Variants in NFKBIA observed in about 807,000 individuals in gnomAD.
The protein encoded by NFKBIA is NFKB inhibitor alpha, also known as NF-kappa-B inhibitor alpha.
A neutral mutation model predicts 36.3 loss-of-function variants in NFKBIA; 10 were observed. That is an observed-to-expected ratio of 0.28 (90% confidence interval 0.17 to 0.47). The LOEUF is 0.47. NFKBIA is among the 20% of genes least tolerant of loss of function. The probability of loss-of-function intolerance (pLI) is 0.99; values close to 1 mark genes in which losing one functional copy is unlikely to be tolerated. For synonymous variants in NFKBIA, 205 were observed against 164.4 expected (o/e 1.25, Z -1.89); for missense variants, 355 against 399.3 (o/e 0.89, Z 0.94).
At position 35,403,274 on chromosome 14, in the gene NFKBIA, G is replaced by A. The variant is rs1292178296; in HGVS notation, c.423C>T (p.Asp141=). ...LGAGCDPELR[D]FRGNTPLHLA... ...GGTGTAGGGGGGTATTTCCTCGAAAGTCTCGGAGCTCAGGATCACAGCCAG... is the reference window on the plus strand; with the variant it reads ...GGTGTAGGGGGGTATTTCCTCGAAAATCTCGGAGCTCAGGATCACAGCCAG... The change falls in exon 3 of 6, where the codon GAC becomes GAT. Residue 141 remains aspartate (D), a synonymous_variant. Coordinates refer to ENST00000216797, the MANE Select transcript of NFKBIA (RefSeq NM_020529.3). The A allele has an allele frequency of 1.2e-6, 2 of 1,613,882 alleles. No homozygotes were observed. The highest frequency in any genetic ancestry group is 1.7e-6 in the Non-Finnish European group (2 of 1,180,020).
Position 35,402,509 on chromosome 14 carries a change from C to G in NFKBIA, c.791G>C (p.Arg264Pro), listed in dbSNP as rs149917774. 6.2e-7 allele frequency: 1 copy of G among 1,614,196 alleles called. No individual in the cohort carries two copies. The highest frequency in any genetic ancestry group is 1.1e-5 in the South Asian group (1 of 91,080). Residue 264 changes from arginine to proline, a missense_variant, in exon 5 of 6, where the codon CGG becomes CCG. Arg to Pro is a moderately radical substitution (Grantham distance 103). Coordinates refer to ENST00000216797, the MANE Select transcript of NFKBIA (RefSeq NM_020529.3). ...CAGCTGGCCCAGCTGCTGCTGTATC[C>G]GGGTGCTTGGGCGGCCCCAGGTGAG... ...YQLTWGRPST[R>P]IQQQLGQLTL...
At chr14:35,404,334 G>C in intron 1 of NFKBIA, 84 bp downstream of exon 1, 3 of 1,041,710 alleles carry the variant, frequency 2.9e-6, no homozygotes, top group Non-Finnish European at 3.8e-6. Flanking sequence ...CCCGGCTCGG[G>C]CTCCAGGCCC....
rs1937097585 is a variant in NFKBIA at position 35,401,886 on chromosome 14, C to G, written c.*127G>C. ...TCCTACCACAATAAGACGTTTTGGG[C>G]CAGGCAGTGTGCAGTGTGGATATAA... On this transcript the variant is annotated 3_prime_UTR_variant, in exon 6 of 6. Coordinates refer to ENST00000216797, the MANE Select transcript of NFKBIA (RefSeq NM_020529.3). The G allele has an allele frequency of 1.9e-6, 2 of 1,054,982 alleles. No individual in the cohort carries two copies. Among genetic ancestry groups the G allele is most frequent in the African/African-American group, 1.6e-5 (1 of 61,486 alleles). 65.4% of individuals were successfully genotyped at this position (1,054,982 alleles called of 1,614,324 possible).
chr14:35,404,492 C>A lies in NFKBIA; in HGVS notation c.153G>T (p.Glu51Asp). Residue 51 changes from glutamate (E) to aspartate (D), a missense_variant, in exon 1 of 6, where the codon GAG becomes GAT. Glu to Asp is a conservative substitution (Grantham distance 45). Coordinates refer to ENST00000216797, the MANE Select transcript of NFKBIA (RefSeq NM_020529.3). ...GCACCTCCTGCGGCTCGAGGCGGATCTCCTGCAGCTCCTTGACCATCTGCT... is the reference window on the plus strand; with the variant it reads ...GCACCTCCTGCGGCTCGAGGCGGATATCCTGCAGCTCCTTGACCATCTGCT... ...EYEQMVKELQ[E>D]IRLEPQEVPR... is the part of the protein sequence containing the mutation. The A allele has an allele frequency of 6.2e-7, 1 of 1,603,096 alleles. No homozygotes were observed. Among genetic ancestry groups the A allele is most frequent in the East Asian group, 2.3e-5 (1 of 44,114 alleles).
chr14:35,402,879 A>C lies in NFKBIA; in HGVS notation c.548-20T>G. 1 of 1,608,504 alleles carries C rather than the reference A, an allele frequency of 6.2e-7. No individual in the cohort carries two copies. On this transcript the variant is annotated intron_variant, in intron 3 of 5. Transcript: ENST00000216797. ...TGTGGCCTGGAAGAACAAAAGGAAA[A>C]AAGTATAACCACCTGTTTCAACCCT...
Position 35,402,517 on chromosome 14 carries a change from T to G in NFKBIA, c.783A>C (p.Pro261=), listed in dbSNP as rs376370831. The G allele has an allele frequency of 5.8e-5, 93 of 1,614,048 alleles. No homozygotes were observed. Among genetic ancestry groups the G allele is most frequent in the Middle Eastern group, 1.6e-4 (1 of 6,084 alleles). The stretch of plus-strand genomic sequence containing the variant: ...CCAGCTGCTGCTGTATCCGGGTGCT[T>G]GGGCGGCCCCAGGTGAGCTGGTAGG... The part of the protein sequence containing the change: ...YSPYQLTWGR[P]STRIQQQLGQ... The change falls in exon 5 of 6, where the codon CCA becomes CCC. Residue 261 remains proline (P), a synonymous_variant. Coordinates refer to ENST00000216797, the MANE Select transcript of NFKBIA (RefSeq NM_020529.3).
chr14:35,402,050 T>C lies in NFKBIA; in HGVS notation c.917A>G (p.Asp306Gly). ...TEFTEDELPY[D>G]DCVFGGQRLT... ...ACGCTGGCCTCCAAACACACAGTCA[T>C]CATAGGGCAGCTGAAAACAAGGGGA... Residue 306 changes from aspartate to glycine, a missense_variant, in exon 6 of 6, where the codon GAT becomes GGT. Coordinates refer to ENST00000216797, the MANE Select transcript of NFKBIA (RefSeq NM_020529.3). 6.2e-7 allele frequency: 1 copy of C among 1,613,982 alleles called. No individual in the cohort carries two copies.
intron 5 of NFKBIA, 95 bp downstream of exon 5, chr14:35,402,299 G>A (rs1266735775): frequency 6.9e-7 from 1 of 1,451,166 alleles, no homozygotes; most frequent in East Asian, 2.3e-5. Flanking sequence ...TCATTATGTA[G>A]ATACCCCTCT....
At chr14:35,403,980 TC>T in intron 1 of NFKBIA, 182 bp from the exon 2 acceptor site, 2 of 597,294 alleles carry the variant, frequency 3.3e-6, no homozygotes, top group Non-Finnish European at 6.0e-6. Flanking sequence ...TCCGCCCCCC[TC>T]CCCCCGCGGC....
chr14:35,404,576 C>G lies in NFKBIA; in HGVS notation c.69G>C (p.Glu23Asp). ...MEGPRDGLKK[E>D]RLLDDRHDSG... is the part of the protein sequence containing the mutation. Reference sequence around the variant, plus strand: ...TGTCGTGGCGGTCGTCCAGTAGCCGCTCCTTCTTCAGCCCGTCGCGGGGGC... The same window carrying G: ...TGTCGTGGCGGTCGTCCAGTAGCCGGTCCTTCTTCAGCCCGTCGCGGGGGC... Residue 23 changes from glutamate to aspartate, a missense_variant, in exon 1 of 6, where the codon GAG becomes GAC. Glu to Asp is a conservative substitution (Grantham distance 45). Transcript: ENST00000216797. 6 of 1,591,880 alleles carry G rather than the reference C, an allele frequency of 3.8e-6. No individual in the cohort carries two copies. Among genetic ancestry groups the G allele is most frequent in the Non-Finnish European group, 5.1e-6 (6 of 1,170,538 alleles).
Position 35,404,674 on chromosome 14 carries a change from G to A in NFKBIA, c.-30C>T. ...CGGACGAGCTGCGGGCGCTGCTGCG[G>A]GTGCGCTGGGCCGCGGGCTGCGCGC... On this transcript the variant is annotated 5_prime_UTR_variant, in exon 1 of 6. Coordinates refer to ENST00000216797, the MANE Select transcript of NFKBIA (RefSeq NM_020529.3). 7.0e-7 allele frequency: 1 copy of A among 1,421,604 alleles called. No individual in the cohort carries two copies. Among genetic ancestry groups the A allele is most frequent in the Non-Finnish European group, 9.3e-7 (1 of 1,080,632 alleles). 88.1% of individuals were successfully genotyped at this position (1,421,604 alleles called of 1,614,324 possible). A position where few individuals can be genotyped will look rare whatever the true frequency, so the allele number is the denominator to read the frequency against.
chr14:35,403,585 T>C, intron 2 of NFKBIA, 105 bp downstream of exon 2: 2 of 895,074 alleles, frequency 2.2e-6, no homozygotes, highest in African/African-American at 3.3e-5. Flanking sequence ...AAGGTGAGGG[T>C]AAATAGTGCT....
At position 35,402,548 on chromosome 14, in the gene NFKBIA, T is replaced by C. The variant is rs1185622942; in HGVS notation, c.752A>G (p.Tyr251Cys). The C allele has an allele frequency of 7.4e-6, 12 of 1,614,080 alleles. No individual in the cohort carries two copies. Among genetic ancestry groups the C allele is most frequent in the Non-Finnish European group, 9.3e-6 (11 of 1,180,040 alleles). ...GCCCCAGGTGAGCTGGTAGGGAGAA[T>C]AGCCCTGGTAGGTAACTCTGTTGAC... ...ADVNRVTYQG[Y>C]SPYQLTWGRP... Residue 251 changes from tyrosine to cysteine, a missense_variant, in exon 5 of 6, where the codon TAT becomes TGT. Coordinates refer to ENST00000216797, the MANE Select transcript of NFKBIA (RefSeq NM_020529.3).
At chr14:35,404,121 G>A (rs1022513534) in intron 1 of NFKBIA, 2 of 392,122 alleles carry the variant, frequency 5.1e-6, no homozygotes, top group South Asian at 5.0e-5. Context: ...CGGGGACTTC[G>A]CGTCCCCGCT....
Position 35,403,670 on chromosome 14 carries a change from G to C in NFKBIA, c.336+20C>G, listed in dbSNP as rs754935304. 4 of 1,577,950 alleles carry C rather than the reference G, an allele frequency of 2.5e-6. No individual in the cohort carries two copies. Among genetic ancestry groups the C allele is most frequent in the Non-Finnish European group, 3.5e-6 (4 of 1,148,824 alleles). Reference sequence around the variant, plus strand: ...TACGTCCCAGGGTCAGAGAGAACCCGGGCCAGGCAAGCGGCGCACCTGCTG... The same window carrying C: ...TACGTCCCAGGGTCAGAGAGAACCCCGGCCAGGCAAGCGGCGCACCTGCTG... On this transcript the variant is annotated intron_variant, in intron 2 of 5. Coordinates refer to ENST00000216797, the MANE Select transcript of NFKBIA (RefSeq NM_020529.3).
Position 35,404,668 on chromosome 14 carries a change from G to A in NFKBIA, c.-24C>T. 1 of 1,439,250 alleles carries A rather than the reference G, an allele frequency of 6.9e-7. No homozygotes were observed. Among genetic ancestry groups the A allele is most frequent in the Middle Eastern group, 2.0e-4 (1 of 5,068 alleles). 89.2% of individuals were successfully genotyped at this position (1,439,250 alleles called of 1,614,324 possible). A position where few individuals can be genotyped will look rare whatever the true frequency, so the allele number is the denominator to read the frequency against. Reference sequence around the variant, plus strand: ...ATGGCGCGGACGAGCTGCGGGCGCTGCTGCGGGTGCGCTGGGCCGCGGGCT... The same window carrying A: ...ATGGCGCGGACGAGCTGCGGGCGCTACTGCGGGTGCGCTGGGCCGCGGGCT... On this transcript the variant is annotated 5_prime_UTR_variant, in exon 1 of 6. Transcript: ENST00000216797.
In NFKBIA at chr14:35,403,867, C is replaced by CTGCGGGGGGGA. The variant is rs2138833042; in HGVS notation, c.228-70_228-69insTCCCCCCCGCA. On this transcript the variant is annotated intron_variant, in intron 1 of 5. Transcript: ENST00000216797. Reference sequence around the variant, plus strand: ...CGCGTGGGGCCCAGGGAGGCGCGGGCTGCGGGGGATTGCGCAAGGCCGGGG... The same window carrying CTGCGGGGGGGA: ...CGCGTGGGGCCCAGGGAGGCGCGGGCTGCGGGGGGGATGCGGGGGATTGCGCAAGGCCGGGG... 7.6e-6 allele frequency: 9 copies of CTGCGGGGGGGA among 1,186,370 alleles called. 2 individuals are homozygous for CTGCGGGGGGGA. The South Asian group carries it at 1.1e-4, about 15-fold the overall frequency. The allele number at this position is 1,186,370 out of a possible 1,614,324, so 73.5% of individuals were successfully genotyped here.
In NFKBIA at chr14:35,402,112, C is replaced by T; in HGVS notation, c.907-52G>A. ...TTAAGCTTCCGGAGCGGAGCTCTGC[C>T]AAGCTACCGGGATGGGGAGGCCACT... On this transcript the variant is annotated intron_variant, in intron 5 of 5. Transcript: ENST00000216797. The T allele has an allele frequency of 1.2e-6, 2 of 1,607,696 alleles. 1 individual carries two copies. The highest frequency in any genetic ancestry group is 2.2e-5 in the South Asian group (2 of 90,928).
chr14:35,403,389 T>C (rs375382497), intron 2 of NFKBIA, 29 bp from the exon 3 acceptor site: 51 of 1,611,620 alleles, frequency 3.2e-5, no homozygotes, highest in Non-Finnish European at 4.2e-5. Context: ...CCAGAGAAAG[T>C]AAGCCATGGA....
Sources: allele counts gnomAD v4.1 joint callset, GRCh38; gene constraint gnomAD v4.1.1; transcripts MANE v1.5; gene names NCBI Gene and HGNC (gene_info 2026-07-23, HGNC 2026-07-21).